The following HDAC9 variants were observed in gnomAD, a reference collection of about 807,000 sequenced individuals.
HDAC9 encodes the protein histone deacetylase 9.
Under a neutral mutation model 139.4 loss-of-function variants are expected in HDAC9, and 41 were observed. The observed-to-expected ratio is 0.29, with a 90% CI of 0.23 to 0.38. HDAC9 has a LOEUF of 0.38. Among genes scored for constraint, HDAC9 ranks in the 10% least tolerant of loss-of-function variants. The probability of loss-of-function intolerance (pLI) is 1.00; values close to 1 mark genes in which losing one functional copy is unlikely to be tolerated. For synonymous variants in HDAC9, 517 were observed against 476.2 expected (o/e 1.09, Z -1.12); for missense variants, 1,147 against 1,297.0 (o/e 0.88, Z 1.78).
rs1055368308 is a variant in HDAC9 at position 18,217,735 on chromosome 7, A to G, written c.25+55386A>G. The stretch of plus-strand genomic sequence containing the variant: ...AATGGCAGTTTATTCTCTGATTTTA[A>G]AAGCAGTACAAGTTATCCGTGGATA... On this transcript the variant is annotated intron_variant, in intron 2 of 12. Transcript: ENST00000417496. Among the ~76,000 whole-genome samples the G allele has an allele frequency of 3.9e-5, 6 of 152,246 alleles. No individual in the cohort carries two copies. In the East Asian group the frequency reaches 1.2e-3, roughly 29 times the overall value.
At chr7:18,472,862 G>T (rs1794827647) in intron 1 of HDAC9, among the ~76,000 whole-genome samples, 1 of 152,200 alleles carries the variant, frequency 6.6e-6, no homozygotes, top group Non-Finnish European at 1.5e-5. Flanking sequence ...GGAGGGCAGA[G>T]ATCTTGTCTC....
intron 2 of HDAC9, among the ~76,000 whole-genome samples, chr7:18,273,313 C>T (rs28507586): frequency 0.017 from 2,532 of 152,070 alleles, 75 homozygotes; most frequent in African/African-American, 0.057. Context: ...AGGTGATTCT[C>T]CCTCCTTGGC....
chr7:18,345,929 G>T (rs1172111188), intron 1 of HDAC9, among the ~76,000 whole-genome samples: 1 of 152,058 alleles, frequency 6.6e-6, no homozygotes, highest in Non-Finnish European at 1.5e-5. Flanking sequence ...GGAGCCGCAT[G>T]TATAGTACAT....
chr7:18,930,210 G>A (rs921055940), intron 22 of HDAC9, among the ~76,000 whole-genome samples: 4 of 151,976 alleles, frequency 2.6e-5, no homozygotes, highest in Admixed American at 2.6e-4. Context: ...AGCCTACAAG[G>A]TACCATGGTA....
intron 12 of HDAC9, chr7:18,667,278 A>G: frequency 1.0e-6 from 1 of 984,760 alleles, no homozygotes. Context: ...TTATGGTCCA[A>G]TCAGATACAA....
At chr7:18,427,420 T>TA (rs1790218846) in intron 1 of HDAC9, among the ~76,000 whole-genome samples, 1 of 152,018 alleles carries the variant, frequency 6.6e-6, no homozygotes, top group African/African-American at 2.4e-5. Flanking sequence ...ATTTTTTTTT[T>TA]ACCTCCTTAC....
chr7:18,265,511 T>C (rs1362823402), intron 2 of HDAC9, among the ~76,000 whole-genome samples: 1 of 152,158 alleles, frequency 6.6e-6, no homozygotes, highest in African/African-American at 2.4e-5. Context: ...AAAGAGTCTA[T>C]GCACATTTCT....
In HDAC9 at chr7:18,971,136, T is replaced by C. The variant is rs140331688; in HGVS notation, c.3023-4670T>C. ...CTAACTCTTGACTCTCTACATTCCA[T>C]TCTATACTTTTTATCTTTATTGTAG... On this transcript the variant is annotated intron_variant, in intron 24 of 25. Coordinates refer to ENST00000686413, the MANE Select transcript of HDAC9 (RefSeq NM_178425.4). Among the ~76,000 whole-genome samples the C allele has an allele frequency of 5.8e-4, 88 of 152,330 alleles. 1 individual carries two copies. In the East Asian group the frequency reaches 0.013, roughly 23 times the overall value.
chr7:18,254,081 A>G (rs1180388743), intron 2 of HDAC9, among the ~76,000 whole-genome samples: 1 of 152,240 alleles, frequency 6.6e-6, no homozygotes, highest in African/African-American at 2.4e-5. Flanking sequence ...ATATACATCA[A>G]AAGTTTCCAG....
intron 11 of HDAC9, among the ~76,000 whole-genome samples, chr7:18,657,128 A>C (rs1462255226): frequency 6.6e-6 from 1 of 152,040 alleles, no homozygotes; most frequent in Admixed American, 6.6e-5. Flanking sequence ...AAATCAGATT[A>C]TTAGATTTTT....
At chr7:18,522,492 G>A (rs1427253390) in intron 2 of HDAC9, among the ~76,000 whole-genome samples, 3 of 150,342 alleles carry the variant, frequency 2.0e-5, no homozygotes, top group Non-Finnish European at 4.4e-5. Flanking sequence ...TTCCAGTCCA[G>A]TTTCTTTCCA....
chr7:18,089,792 A>G (rs1408755087), intron 1 of HDAC9, among the ~76,000 whole-genome samples: 1 of 152,192 alleles, frequency 6.6e-6, no homozygotes, highest in African/African-American at 2.4e-5. Context: ...GTCATTTGAG[A>G]AACATATGGA....
intron 1 of HDAC9, among the ~76,000 whole-genome samples, chr7:18,456,356 C>A (rs1793346026): frequency 6.6e-6 from 1 of 152,140 alleles, no homozygotes; most frequent in Non-Finnish European, 1.5e-5. Context: ...CTTGCCTCAG[C>A]CTCCCAAGTT....
intron 24 of HDAC9, among the ~76,000 whole-genome samples, chr7:18,964,835 G>C (rs1783744470): frequency 6.6e-6 from 1 of 152,192 alleles, no homozygotes; most frequent in Non-Finnish European, 1.5e-5. Flanking sequence ...CCTCCCACCA[G>C]GTCTCTCCTT....
At chr7:18,716,990 CTTTT>C (rs528916567) in intron 12 of HDAC9, among the ~76,000 whole-genome samples, 7,463 of 115,298 alleles carry the variant, frequency 0.065, 502 homozygotes, top group African/African-American at 0.22. Flanking sequence ...CTCGTTAGCA[CTTTT>C]TTTTTTTTTT....
intron 12 of HDAC9, among the ~76,000 whole-genome samples, chr7:18,702,499 G>A (rs1010297105): frequency 6.6e-6 from 1 of 152,148 alleles, no homozygotes; most frequent in Non-Finnish European, 1.5e-5. Context: ...TTTAATTTGT[G>A]TTTTTGCTAA....
chr7:18,995,233 A>G (rs995102237), intron 25 of HDAC9, among the ~76,000 whole-genome samples: 1 of 152,200 alleles, frequency 6.6e-6, no homozygotes, highest in Non-Finnish European at 1.5e-5. Flanking sequence ...CGCAAACTCA[A>G]TTCACCCGGC....
chr7:18,165,066 A>T (rs1468702418), intron 2 of HDAC9, among the ~76,000 whole-genome samples: 6 of 152,208 alleles, frequency 3.9e-5, no homozygotes, highest in African/African-American at 1.4e-4. Flanking sequence ...TATTTTAATA[A>T]ATTTAGGACC....
intron 2 of HDAC9, among the ~76,000 whole-genome samples, chr7:18,196,050 T>C (rs146803661): frequency 1.2e-4 from 18 of 152,290 alleles, no homozygotes; most frequent in African/African-American, 4.3e-4. Context: ...TAGCATGCAT[T>C]ACATTCCTCC....
Sources: allele counts gnomAD v4.1 joint callset (sites outside exome capture counted in the v4.1 genomes callset), GRCh38; gene constraint gnomAD v4.1.1; transcripts MANE v1.5; gene names NCBI Gene and HGNC (gene_info 2026-07-23, HGNC 2026-07-21).